Variants in SPTBN5 observed in about 807,000 individuals in gnomAD.
SPTBN5 encodes spectrin beta, non-erythrocytic 5.
A neutral mutation model predicts 477.6 loss-of-function variants in SPTBN5; 513 were observed. The observed-to-expected ratio is 1.07, with a 90% CI of 1.00 to 1.16. The LOEUF is 1.16. Ranked by LOEUF, SPTBN5 falls within the 50% of genes most tolerant of loss-of-function variation. SPTBN5 has a pLI of 0.00. For missense variants in SPTBN5, 5,062 were observed against 4,731.8 expected (o/e 1.07, Z -2.05); for synonymous variants, 2,169 against 2,011.7 (o/e 1.08, Z -2.09).
chr15:41,886,455 G>T, intron 6 of SPTBN5, 89 bp from the exon 7 acceptor site: 1 of 1,407,118 alleles, frequency 7.1e-7, no homozygotes, highest in Non-Finnish European at 9.5e-7. Context: ...CCCCAGGTGG[G>T]CTGTAGCTAC....
Position 41,853,764 on chromosome 15 carries a change from CT to C in SPTBN5, c.9797del (p.Lys3266ArgfsTer62). On this transcript the variant is annotated frameshift_variant, in exon 58 of 68. Transcript: ENST00000320955. LOFTEE classifies it high-confidence loss of function. ...CCTCCGTCTGTAGCCGTGCCACCTCCTTCTCCATAGCTTCCAGCTCTCTCTG... is the reference window on the plus strand; with the variant it reads ...CCTCCGTCTGTAGCCGTGCCACCTCCTCTCCATAGCTTCCAGCTCTCTCTG... Reference protein sequence around the residue: ...RLERELEAMEKEVARLQTEAC... With the variant: ...RLERELEAMEXEVARLQTEAC... 6.4e-7 allele frequency: 1 copy of C among 1,574,442 alleles called. No homozygotes were observed. The highest frequency in any genetic ancestry group is 8.6e-7 in the Non-Finnish European group (1 of 1,160,102).
In SPTBN5 at chr15:41,862,505, T is replaced by C. The variant is rs559713977; in HGVS notation, c.7385+34A>G. On this transcript the variant is annotated intron_variant, in intron 43 of 67. Coordinates refer to ENST00000320955, the MANE Select transcript of SPTBN5 (RefSeq NM_016642.4). ...GTGTGGGGACTGAGATGCTGGAGGA[T>C]GGGTCGGCGAGGGCAAGGCCTGCGG... 4.6e-5 allele frequency: 73 copies of C among 1,572,994 alleles called. No individual in the cohort carries two copies. The South Asian group carries it at 5.9e-4, about 13-fold the overall frequency.
At chr15:41,876,523 A>AT (rs768442594) in intron 20 of SPTBN5, 25 bp downstream of exon 20, 1 of 1,564,036 alleles carries the variant, frequency 6.4e-7, no homozygotes, top group South Asian at 1.2e-5. Flanking sequence ...GGGAGGCGTC[A>AT]TGCGACCTGG....
Position 41,855,704 on chromosome 15 carries a change from G to A in SPTBN5, c.9063C>T (p.Val3021=). ...TGTGGCCCATGTCCTCGCTGTCCAG[G>A]ACATGGCCCCGCTCAGCCAGCCAGG... is the stretch of plus-strand genomic sequence containing the variant. ...AGSWLAERGH[V]LDSEDMGHSA... is the part of the protein sequence containing the mutation. The change falls in exon 54 of 68, where the codon GTC becomes GTT. Residue 3021 remains valine, a synonymous_variant. Coordinates refer to ENST00000320955, the MANE Select transcript of SPTBN5 (RefSeq NM_016642.4). The A allele has an allele frequency of 6.3e-7, 1 of 1,598,566 alleles. No homozygotes were observed. The highest frequency in any genetic ancestry group is 8.5e-7 in the Non-Finnish European group (1 of 1,174,378).
rs372690118 is a variant in SPTBN5 at position 41,854,155 on chromosome 15, C to T, written c.9669G>A (p.Glu3223=). ...TCTTCTCCTGCATCCTTCCCTGGAG[C>T]TCAGCTGCTGCCTGCTGAAAGCTGT... The part of the protein sequence containing the change: ...EVHSFQQAAA[E]LQGRMQEKTA... The change falls in exon 57 of 68, where the codon GAG becomes GAA. Residue 3223 remains glutamate, a synonymous_variant. Coordinates refer to ENST00000320955, the MANE Select transcript of SPTBN5 (RefSeq NM_016642.4). 148 of 1,597,720 alleles carry T rather than the reference C, an allele frequency of 9.3e-5. 1 individual carries two copies. Among genetic ancestry groups the T allele is most frequent in the Non-Finnish European group, 1.1e-4 (131 of 1,172,548 alleles).
intron 7 of SPTBN5, among the ~76,000 whole-genome samples, chr15:41,885,039 T>G (rs2067102407): frequency 6.6e-6 from 1 of 152,188 alleles, no homozygotes; most frequent in African/African-American, 2.4e-5. Context: ...GTTATTATTT[T>G]TGGAGATGGA....
In SPTBN5 at chr15:41,887,356, G is replaced by C. The variant is rs757674713; in HGVS notation, c.745C>G (p.Leu249Val). Residue 249 changes from leucine to valine, a missense_variant, in exon 6 of 68, where the codon CTG becomes GTG. Coordinates refer to ENST00000320955, the MANE Select transcript of SPTBN5 (RefSeq NM_016642.4). Reference protein sequence around the residue: ...AFAFLVAEQELGIAQLLDPED... With the variant: ...AFAFLVAEQEVGIAQLLDPED... ...GGGTCCAGCAGCTGAGCAATGCCCA[G>C]CTCCTGCTCAGCCACCAGGAAAGCA... 2.6e-6 allele frequency: 4 copies of C among 1,552,750 alleles called. No individual in the cohort carries two copies. In the South Asian group the frequency reaches 3.6e-5, roughly 14 times the overall value.
At position 41,852,281 on chromosome 15, in the gene SPTBN5, C is replaced by T; in HGVS notation, c.10485G>A (p.Leu3495=). The T allele has an allele frequency of 6.2e-7, 1 of 1,602,432 alleles. No homozygotes were observed. ...EQELLLQPQE[L]KPGRAGSSLT... is the part of the protein sequence containing the mutation. ...GCGAGCTGCCAGCTCTCCCGGGCTT[C>T]AGCTCCTGTGGCTGCAGCAGGAGCT... Residue 3495 remains leucine (L), a synonymous_variant, in exon 62 of 68, where the codon CTG becomes CTA. Transcript: ENST00000320955.
rs750057740 is a variant in SPTBN5 at position 41,876,520 on chromosome 15, G to T, written c.3951+28C>A. On this transcript the variant is annotated intron_variant, in intron 20 of 67. Transcript: ENST00000320955. ...TCTCAGGCTTTCTTTTCAGGGAGGC[G>T]TCATGCGACCTGGGCCCAGACCCTC... is the stretch of plus-strand genomic sequence containing the variant. 3.9e-6 allele frequency: 6 copies of T among 1,555,294 alleles called. No individual in the cohort carries two copies. In the East Asian group the frequency reaches 7.1e-5, roughly 18 times the overall value.
chr15:41,886,226 C>A lies in SPTBN5; in HGVS notation c.1029G>T (p.Gln343His), dbSNP rs1256556006. ...GGAAGATGGTGAATGCTGCCAGTAGCTGCCGCATGGCGGGCAGCGAGTCTG... is the reference window on the plus strand; with the variant it reads ...GGAAGATGGTGAATGCTGCCAGTAGATGCCGCATGGCGGGCAGCGAGTCTG... Reference protein sequence around the residue: ...DFPDSLPAMRQLLAAFTIFRT... With the variant: ...DFPDSLPAMRHLLAAFTIFRT... Residue 343 changes from glutamine to histidine, a missense_variant, in exon 7 of 68, where the codon CAG (glutamine) becomes CAT (histidine). By Grantham distance (24) the Gln-to-His change is conservative. Coordinates refer to ENST00000320955, the MANE Select transcript of SPTBN5 (RefSeq NM_016642.4). 6.2e-7 allele frequency: 1 copy of A among 1,613,132 alleles called. No homozygotes were observed. Among genetic ancestry groups the A allele is most frequent in the Non-Finnish European group, 8.5e-7 (1 of 1,179,894 alleles).
At position 41,881,992 on chromosome 15, in the gene SPTBN5, G is replaced by A. The variant is rs1041050419; in HGVS notation, c.2401C>T (p.Leu801=). ...CGCCCCTGCTCCTCCAGCCGCCGCA[G>A]CTCGGCCGCGAAGGCGCGCAGGACG... is the stretch of plus-strand genomic sequence containing the variant. ...ERVLRAFAAE[L]RRLEEQGRAA... The change falls in exon 12 of 68, where the codon CTG becomes TTG. Residue 801 remains leucine (L), a synonymous_variant. Transcript: ENST00000320955. The A allele has an allele frequency of 1.3e-6, 2 of 1,536,724 alleles. No individual in the cohort carries two copies. The highest frequency in any genetic ancestry group is 8.7e-7 in the Non-Finnish European group (1 of 1,150,936).
chr15:41,851,696 G>T, intron 63 of SPTBN5, 83 bp downstream of exon 63: 1 of 1,052,696 alleles, frequency 9.5e-7, no homozygotes. Flanking sequence ...GTGCAAGGGT[G>T]CCAGGCCCAG....
At chr15:41,858,503 G>C (rs965679559) in intron 49 of SPTBN5, 99 bp downstream of exon 49, 1 of 1,403,356 alleles carries the variant, frequency 7.1e-7, no homozygotes, top group African/African-American at 1.4e-5. Flanking sequence ...ACTGGATAAC[G>C]CTGGCCACCG....
chr15:41,887,415 A>G lies in SPTBN5; in HGVS notation c.686T>C (p.Leu229Pro). 6.4e-7 allele frequency: 1 copy of G among 1,553,062 alleles called. No homozygotes were observed. The highest frequency in any genetic ancestry group is 8.7e-7 in the Non-Finnish European group (1 of 1,148,346). The change falls in exon 6 of 68, where the codon CTG (leucine) becomes CCG (proline). Residue 229 changes from leucine to proline, a missense_variant. Physicochemically the swap from Leu to Pro is moderately conservative, Grantham distance 98. Transcript: ENST00000320955. ...GTTGTGCAGTGGGCGGTCTGGACGC[A>G]GGGAGCCGTAGTCCAACAGGTCTGG... ...HRPDLLDYGSLRPDRPLHNLA... is the reference protein window; with the variant it reads ...HRPDLLDYGSPRPDRPLHNLA...
chr15:41,867,454 C>A, intron 35 of SPTBN5, 84 bp downstream of exon 35: 1 of 1,318,142 alleles, frequency 7.6e-7, no homozygotes, highest in Non-Finnish European at 1.1e-6. Context: ...CCTCCAGGAA[C>A]ACACCAAGCG....
In SPTBN5 at chr15:41,873,618, G is replaced by A. The variant is rs1402397800; in HGVS notation, c.4891-10C>T. ...ACACATCCAGAAAGTACTGCCAAGA[G>A]TGGGGCCAACTCACCTGGAGGATCT... On this transcript the variant is annotated splice_polypyrimidine_tract_variant and intron_variant, in intron 25 of 67. Coordinates refer to ENST00000320955, the MANE Select transcript of SPTBN5 (RefSeq NM_016642.4). 7 of 1,548,580 alleles carry A rather than the reference G, an allele frequency of 4.5e-6. No individual in the cohort carries two copies. Among genetic ancestry groups the A allele is most frequent in the Non-Finnish European group, 5.2e-6 (6 of 1,145,348 alleles).
intron 23 of SPTBN5, among the ~76,000 whole-genome samples, 155 bp from the exon 24 acceptor site, chr15:41,874,633 G>A (rs1030269657): frequency 1.3e-5 from 2 of 152,210 alleles, no homozygotes; most frequent in African/African-American, 4.8e-5. Flanking sequence ...GGGCGCCAGG[G>A]CCCCACCTCA....
rs1595430083 is a variant in SPTBN5 at position 41,848,238 on chromosome 15, C to G, written c.*378G>C. On this transcript the variant is annotated 3_prime_UTR_variant, in exon 68 of 68. Transcript: ENST00000320955. ...ATGGCAAGGGCTGGTACAGAGCTCG[C>G]TCATCAGTGTTCTTCCTCCGAAGAG... The G allele has an allele frequency of 6.1e-6, 3 of 494,460 alleles. No individual in the cohort carries two copies. The highest frequency in any genetic ancestry group is 7.4e-5 in the East Asian group (2 of 26,910). The allele number at this position is 494,460 out of a possible 1,614,324, so 30.6% of individuals were successfully genotyped here. A position where few individuals can be genotyped will look rare whatever the true frequency, so the allele number is the denominator to read the frequency against.
At chr15:41,864,557 G>T (rs2066233362) in intron 39 of SPTBN5, among the ~76,000 whole-genome samples, 1 of 152,196 alleles carries the variant, frequency 6.6e-6, no homozygotes, top group African/African-American at 2.4e-5. Context: ...CAAGTGATCT[G>T]CCCGCCTTGG....
Sources: allele counts gnomAD v4.1 joint callset (sites outside exome capture counted in the v4.1 genomes callset), GRCh38; gene constraint gnomAD v4.1.1; transcripts MANE v1.5; gene names NCBI Gene and HGNC (gene_info 2026-07-23, HGNC 2026-07-21).